The following PKD1 variants were observed in gnomAD, a reference collection of about 807,000 sequenced individuals.
PKD1 encodes the protein polycystin 1, transient receptor potential channel interacting, also known as polycystin-1.
In PKD1, 81 loss-of-function variants were observed where a neutral mutation model predicts 361.7. The observed-to-expected ratio is 0.22, with a 90% confidence interval of 0.19 to 0.27. PKD1 has a LOEUF of 0.27. Among genes scored for constraint, PKD1 ranks in the 10% least tolerant of loss-of-function variants. The probability of loss-of-function intolerance (pLI) is 1.00; values close to 1 mark genes in which losing one functional copy is unlikely to be tolerated. For synonymous variants in PKD1, 3,615 were observed against 2,818.3 expected (o/e 1.28, Z -8.95); for missense variants, 6,399 against 6,118.3 (o/e 1.05, Z -1.53).
At chr16:2,129,159 CCT>C (rs1353351285) in intron 1 of PKD1, among the ~76,000 whole-genome samples, 4 of 151,406 alleles carry the variant, frequency 2.6e-5, no homozygotes, top group East Asian at 1.9e-4. Context: ...CCGCGCCCAC[CCT>C]GTTTTTTTTT....
At position 2,108,743 on chromosome 16, in the gene PKD1, G is replaced by A. The variant is rs2151788037; in HGVS notation, c.6424C>T (p.Gln2142Ter). The A allele has an allele frequency of 6.4e-7, 1 of 1,572,228 alleles. No homozygotes were observed. The highest frequency in any genetic ancestry group is 8.6e-7 in the Non-Finnish European group (1 of 1,159,922). ...TCCGGCTCCCGGCAGGCCAGCACCT[G>A]GACGGTCACCGTGGCCTGCGCCACG... ...FFVAQATVTVQVLACREPEVD... is the reference protein window; with the variant it reads ...FFVAQATVTV The change falls in exon 15 of 46, where the codon CAG becomes TAG. Residue 2142 changes from glutamine (Q) to a stop codon, truncating the protein, a stop_gained. Coordinates refer to ENST00000262304, the MANE Select transcript of PKD1 (RefSeq NM_001009944.3). LOFTEE classifies it high-confidence loss of function.
At position 2,111,484 on chromosome 16, in the gene PKD1, G is replaced by A; in HGVS notation, c.3683C>T (p.Pro1228Leu). Residue 1228 changes from proline to leucine, a missense_variant, in exon 15 of 46, where the codon CCC (proline) becomes CTC (leucine). Pro to Leu is a moderately conservative substitution (Grantham distance 98). Coordinates refer to ENST00000262304, the MANE Select transcript of PKD1 (RefSeq NM_001009944.3). ...CTGCACCGCGGCGCTGACCACCACG[G>A]GGGCGCCCTGCTCCACGGCCAGGCT... ...DMSLAVEQGAPVVVSAAVQTG... is the reference protein window; with the variant it reads ...DMSLAVEQGALVVVSAAVQTG... The A allele has an allele frequency of 1.2e-6, 2 of 1,611,318 alleles. No individual in the cohort carries two copies. Among genetic ancestry groups the A allele is most frequent in the Non-Finnish European group, 8.5e-7 (1 of 1,179,400 alleles).
intron 38 of PKD1, 69 bp from the exon 39 acceptor site, chr16:2,092,661 G>C: frequency 2.7e-6 from 3 of 1,116,930 alleles, no homozygotes; most frequent in Non-Finnish European, 4.0e-6. Flanking sequence ...GCGGCCACCA[G>C]AGACCCAGGG....
chr16:2,096,803 C>T, intron 34 of PKD1: 1 of 343,024 alleles, frequency 2.9e-6, no homozygotes, highest in South Asian at 3.1e-5. Flanking sequence ...ACGTGTGAGC[C>T]ACCGCGCCCG....
rs758665799 is a variant in PKD1 at position 2,109,245 on chromosome 16, C to T, written c.5922G>A (p.Leu1974=). Residue 1974 remains leucine, a synonymous_variant, in exon 15 of 46, where the codon CTG becomes CTA. Transcript: ENST00000262304. ...RIVVLEAVSG[L]QVPNCCEPGI... ...CAGGCTCGCAGCAGTTGGGCACCTG[C>T]AGCCCACTCACGGCCTCCAGCACCA... The T allele has an allele frequency of 5.7e-6, 9 of 1,587,932 alleles. No individual in the cohort carries two copies. Among genetic ancestry groups the T allele is most frequent in the Admixed American group, 1.7e-5 (1 of 59,444 alleles).
In PKD1 at chr16:2,115,351, G is replaced by C. The variant is rs982494165; in HGVS notation, c.2097+27C>G. The C allele has an allele frequency of 9.4e-6, 14 of 1,484,296 alleles. No homozygotes were observed. The African/African-American group carries it at 1.9e-4, about 21-fold the overall frequency. 91.9% of individuals were successfully genotyped at this position (1,484,296 alleles called of 1,614,324 possible). On this transcript the variant is annotated intron_variant, in intron 10 of 45. Transcript: ENST00000262304. ...GGAAGGTGGCCTGAGGAGATGCAGG[G>C]AACAGACCCAGGTCAGGGCCACACA...
intron 1 of PKD1, among the ~76,000 whole-genome samples, chr16:2,124,798 G>A (rs1367943430): frequency 6.6e-6 from 1 of 152,256 alleles, no homozygotes. Context: ...ACTGGGCTGG[G>A]GGGACCGGCT....
rs2092461689 is a variant in PKD1 at position 2,110,142 on chromosome 16, G to A, written c.5025C>T (p.Ala1675=). ...SWTAWRDRGP[A]LAGSGKGFSL... ...AGAAGCCTTTGCCGCTGCCGGCCAG[G>A]GCCGGGCCCCTGTCCCTCCAGGCAG... Residue 1675 remains alanine, a synonymous_variant, in exon 15 of 46, where the codon GCC becomes GCT. Coordinates refer to ENST00000262304, the MANE Select transcript of PKD1 (RefSeq NM_001009944.3). The A allele has an allele frequency of 1.2e-6, 2 of 1,609,864 alleles. No individual in the cohort carries two copies. The highest frequency in any genetic ancestry group is 1.7e-6 in the Non-Finnish European group (2 of 1,179,474).
Position 2,109,512 on chromosome 16 carries a change from C to G in PKD1, c.5655G>C (p.Glu1885Asp). ...CCCACAGCACCAGGCCCACGATGGG[C>G]TCCTCCGCCGTGAGGTTGTACGTGG... ...VSATYNLTAE[E>D]PIVGLVLWAS... Residue 1885 changes from glutamate (E) to aspartate (D), a missense_variant, in exon 15 of 46, where the codon GAG (glutamate) becomes GAC (aspartate). Glu to Asp is a conservative substitution (Grantham distance 45). Coordinates refer to ENST00000262304, the MANE Select transcript of PKD1 (RefSeq NM_001009944.3). 6.2e-7 allele frequency: 1 copy of G among 1,610,126 alleles called. No individual in the cohort carries two copies. The highest frequency in any genetic ancestry group is 1.1e-5 in the South Asian group (1 of 90,788).
In PKD1 at chr16:2,100,278, G is replaced by A; in HGVS notation, c.9600C>T (p.Val3200=). The A allele has an allele frequency of 6.2e-7, 1 of 1,610,850 alleles. No individual in the cohort carries two copies. The highest frequency in any genetic ancestry group is 8.5e-7 in the Non-Finnish European group (1 of 1,179,780). The change falls in exon 28 of 46, where the codon GTC becomes GTT. Residue 3200 remains valine, a synonymous_variant. Coordinates refer to ENST00000262304, the MANE Select transcript of PKD1 (RefSeq NM_001009944.3). This position sits in a 1 kb window ranked among gnomAD's most constrained non-coding sequence, Gnocchi z 4.4. ...GLSPAWFLQH[V]IVRDLQTARS... is the part of the protein sequence containing the mutation. Reference sequence around the variant, plus strand: ...GTGCCGTCTGCAGGTCCCTGACGATGACGTGCTGCAGGAACCAGGCAGGGC... The same window carrying A: ...GTGCCGTCTGCAGGTCCCTGACGATAACGTGCTGCAGGAACCAGGCAGGGC...
At position 2,112,774 on chromosome 16, in the gene PKD1, C is replaced by T; in HGVS notation, c.3161+14G>A. ...GCCTGGTGCCCACCCCAAACCGGCC[C>T]CCGAGTCACTCACAGGAAGGCCACC... is the stretch of plus-strand genomic sequence containing the variant. On this transcript the variant is annotated intron_variant, in intron 13 of 45. Transcript: ENST00000262304. 6.3e-7 allele frequency: 1 copy of T among 1,594,972 alleles called. No homozygotes were observed. The highest frequency in any genetic ancestry group is 1.7e-5 in the Admixed American group (1 of 59,994).
rs778791224 is a variant in PKD1 at position 2,090,770 on chromosome 16, G to C, written c.12042C>G (p.Val4014=). Residue 4014 remains valine (V), a synonymous_variant, in exon 44 of 46, where the codon GTC becomes GTG. Coordinates refer to ENST00000262304, the MANE Select transcript of PKD1 (RefSeq NM_001009944.3). ...QQLRFVRQWS[V]FGKTLCRALP... The stretch of plus-strand genomic sequence containing the variant: ...GAGCTCGGCATAATGTCTTGCCAAA[G>C]ACGGACCACTGGCGCACGAAGCGTA... 2.5e-6 allele frequency: 4 copies of C among 1,612,524 alleles called. No homozygotes were observed. Among genetic ancestry groups the C allele is most frequent in the African/African-American group, 2.7e-5 (2 of 74,936 alleles).
rs1345131743 is a variant in PKD1 at position 2,092,729 on chromosome 16, C to CT, written c.11157-138dup. On this transcript the variant is annotated intron_variant, in intron 38 of 45. Coordinates refer to ENST00000262304, the MANE Select transcript of PKD1 (RefSeq NM_001009944.3). ...TAGACCTGGGCTTCTCAGCCTTATC[C>CT]TGGGGATGTTCTGGGGCAGACAGTT... The CT allele has an allele frequency of 1.3e-5, 11 of 840,672 alleles. No individual in the cohort carries two copies. In the East Asian group the frequency reaches 2.9e-4, roughly 22 times the overall value. 52.1% of individuals were successfully genotyped at this position (840,672 alleles called of 1,614,324 possible).
chr16:2,091,993 GA>G, intron 40 of PKD1, 53 bp downstream of exon 40: 4 of 1,612,418 alleles, frequency 2.5e-6, no homozygotes, highest in Non-Finnish European at 3.4e-6. Flanking sequence ...GGCACTCCTG[GA>G]GAACTACTCC....
rs770197379 is a variant in PKD1 at position 2,112,397 on chromosome 16, G to A, written c.3238C>T (p.Pro1080Ser). ...TCCACCAGCACCTGGGCCACCGAGGGGTCTGGAACCGGGAAGGACTCGTTG... is the reference window on the plus strand; with the variant it reads ...TCCACCAGCACCTGGGCCACCGAGGAGTCTGGAACCGGGAAGGACTCGTTG... Reference protein sequence around the residue: ...PYNESFPVPDPSVAQVLVEHN... With the variant: ...PYNESFPVPDSSVAQVLVEHN... Residue 1080 changes from proline (P) to serine (S), a missense_variant, in exon 14 of 46, where the codon CCC (proline) becomes TCC (serine). Pro to Ser is a moderately conservative substitution (Grantham distance 74). Coordinates refer to ENST00000262304, the MANE Select transcript of PKD1 (RefSeq NM_001009944.3). 2 of 1,587,320 alleles carry A rather than the reference G, an allele frequency of 1.3e-6. No individual in the cohort carries two copies. The highest frequency in any genetic ancestry group is 3.4e-5 in the Admixed American group (2 of 59,532).
At position 2,100,844 on chromosome 16, in the gene PKD1, C is replaced by T. The variant is rs545365400; in HGVS notation, c.9398-278G>A. 5.4e-5 allele frequency: 28 copies of T among 517,216 alleles called. No individual in the cohort carries two copies. In the East Asian group the frequency reaches 9.8e-4, roughly 18 times the overall value. 32.0% of individuals were successfully genotyped at this position (517,216 alleles called of 1,614,324 possible). ...CCTCAGTCCACACCACAACCAGTGACCCGCACTGCACACCTGTCCACGCCT... is the reference window on the plus strand; with the variant it reads ...CCTCAGTCCACACCACAACCAGTGATCCGCACTGCACACCTGTCCACGCCT... On this transcript the variant is annotated intron_variant, in intron 26 of 45. Transcript: ENST00000262304. The surrounding 1 kb of genome is among the most constrained non-coding windows in gnomAD (Gnocchi z 4.4).
At chr16:2,114,051 G>C (rs1026065205) in intron 11 of PKD1, 119 bp downstream of exon 11, 3 of 882,448 alleles carry the variant, frequency 3.4e-6, no homozygotes, top group African/African-American at 3.3e-5. Flanking sequence ...GCCCGGGGCC[G>C]ACGTCCCCAG....
At chr16:2,116,300 C>A in intron 8 of PKD1, 182 bp from the exon 9 acceptor site, 1 of 709,164 alleles carries the variant, frequency 1.4e-6, no homozygotes, top group East Asian at 2.7e-5. Context: ...GGGGGCAGGA[C>A]CCCTGACCTG....
chr16:2,117,889 T>C lies in PKD1; in HGVS notation c.1103A>G (p.Gln368Arg). 4.2e-6 allele frequency: 5 copies of C among 1,176,900 alleles called. No individual in the cohort carries two copies. Among genetic ancestry groups the C allele is most frequent in the Non-Finnish European group, 1.2e-6 (1 of 820,466 alleles). The allele number at this position is 1,176,900 out of a possible 1,614,324, so 72.9% of individuals were successfully genotyped here. ...GCTGAGGTCGAGGCTCTCGTCACTC[T>C]GCACCGAGGACGGGCACACGAGCTC... ...ALELVCPSSV[Q>R]SDESLDLSIQ... The change falls in exon 5 of 46, where the codon CAG becomes CGG. Residue 368 changes from glutamine (Q) to arginine (R), a missense_variant. Coordinates refer to ENST00000262304, the MANE Select transcript of PKD1 (RefSeq NM_001009944.3).
Sources: allele counts gnomAD v4.1 joint callset (sites outside exome capture counted in the v4.1 genomes callset), GRCh38; gene constraint gnomAD v4.1.1; non-coding constraint Gnocchi (gnomAD v3.1); transcripts MANE v1.5; gene names NCBI Gene and HGNC (gene_info 2026-07-23, HGNC 2026-07-21).